Variants in NUP210L observed in about 807,000 individuals in gnomAD.
The protein encoded by NUP210L is nuclear pore membrane glycoprotein 210-like.
A neutral mutation model predicts 208.5 loss-of-function variants in NUP210L; 74 were observed. The ratio of observed to expected loss-of-function variants is 0.35; its 90% CI spans 0.29 to 0.43. NUP210L has a LOEUF of 0.43. Among genes scored for constraint, NUP210L ranks in the 20% least tolerant of loss-of-function variants. The pLI, the probability that NUP210L is intolerant of heterozygous loss-of-function variation, is 1.00. For synonymous variants in NUP210L, 780 were observed against 816.9 expected, an observed-to-expected ratio of 0.95 and a Z score of 0.77; for missense variants, 1,843 against 2,289.4, an observed-to-expected ratio of 0.81 and a Z score of 3.98.
At chr1:154,082,732 A>G (rs928991759) in intron 16 of NUP210L, among the ~76,000 whole-genome samples, 2 of 152,194 alleles carry the variant, frequency 1.3e-5, no homozygotes, top group Admixed American at 6.5e-5. Flanking sequence ...TTGTTCCTTC[A>G]GATGCGTCCA....
chr1:154,032,990 AAAGAAAGAAAG>A (rs1312655390), intron 27 of NUP210L, among the ~76,000 whole-genome samples: 3 of 148,724 alleles, frequency 2.0e-5, no homozygotes, highest in Non-Finnish European at 4.5e-5. Context: ...AAAGAAAAGA[AAAGAAAGAAAG>A]AAAAAAAGAA....
At chr1:154,047,185 T>C (rs1180645557) in intron 25 of NUP210L, among the ~76,000 whole-genome samples, 2 of 152,160 alleles carry the variant, frequency 1.3e-5, no homozygotes, top group African/African-American at 4.8e-5. Context: ...TAGTATTTGA[T>C]AGCACAGCAG....
exon 40 of NUP210L, chr1:153,992,827 A>G (rs777322327): frequency 6.3e-7 from 1 of 1,576,720 alleles, no homozygotes; most frequent in Admixed American, 1.8e-5. Flanking sequence ...AACTTGTCCA[A>G]GCAGAGGTTA....
exon 7 of NUP210L, chr1:154,135,927 T>C (rs1658519008): frequency 1.9e-6 from 3 of 1,606,156 alleles, no homozygotes; most frequent in African/African-American, 1.3e-5. Context: ...TGCAACTCTA[T>C]GGTCTTGCAA....
chr1:154,071,975 C>A lies in NUP210L; in HGVS notation c.2362-1510G>T, dbSNP rs566796078. Among the ~76,000 whole-genome samples the A allele has an allele frequency of 2.0e-5, 3 of 148,366 alleles. 1 individual carries two copies. The South Asian group carries it at 6.5e-4, about 32-fold the overall frequency. ...TATATGGCTGAGTAGTATTCCATCGCGTGTGTGTGTGTGTGTGTGTGTGTG... is the reference window on the plus strand; with the variant it reads ...TATATGGCTGAGTAGTATTCCATCGAGTGTGTGTGTGTGTGTGTGTGTGTG... On this transcript the variant is annotated intron_variant, in intron 16 of 39. Transcript: ENST00000368559.
chr1:154,054,034 A>C (rs1038496228), intron 25 of NUP210L, among the ~76,000 whole-genome samples, 194 bp downstream of exon 25: 7 of 152,206 alleles, frequency 4.6e-5, no homozygotes, highest in African/African-American at 1.7e-4. Flanking sequence ...ATATCTTATA[A>C]CAGTGCCAAG....
At chr1:154,100,946 G>A (rs959801922) in intron 13 of NUP210L, among the ~76,000 whole-genome samples, 1 of 152,026 alleles carries the variant, frequency 6.6e-6, no homozygotes, top group Non-Finnish European at 1.5e-5. Context: ...GCCGAGGCGG[G>A]TGGATCACCT....
exon 23 of NUP210L, chr1:154,056,826 G>A (rs760261503): frequency 6.3e-6 from 10 of 1,579,372 alleles, no homozygotes; most frequent in Admixed American, 4.0e-5. Flanking sequence ...TCAATGTGCC[G>A]AGGAGTTGAT....
At chr1:154,106,630 C>A (rs1450654198) in intron 12 of NUP210L, among the ~76,000 whole-genome samples, 1 of 152,168 alleles carries the variant, frequency 6.6e-6, no homozygotes, top group Non-Finnish European at 1.5e-5. Context: ...CTTGTGTAAC[C>A]CCACCCCCAG....
chr1:154,020,377 GAC>G (rs1359726079), intron 32 of NUP210L, among the ~76,000 whole-genome samples: 1 of 152,072 alleles, frequency 6.6e-6, no homozygotes, highest in East Asian at 1.9e-4. Flanking sequence ...TTTTTTTTGA[GAC>G]ACAGCCTGTC....
chr1:154,058,091 C>T (rs1474589598), exon 22 of NUP210L: 1 of 1,614,010 alleles, frequency 6.2e-7, no homozygotes, highest in Admixed American at 1.7e-5. Flanking sequence ...GTACTTACGT[C>T]AGGGTGACAA....
intron 13 of NUP210L, among the ~76,000 whole-genome samples, chr1:154,101,231 C>T (rs1249619694): frequency 6.7e-6 from 1 of 149,802 alleles, no homozygotes. Flanking sequence ...GTAATCCCAG[C>T]ACTTTGGGAG....
At chr1:154,142,226 TAACA>T (rs745500339) in intron 3 of NUP210L, among the ~76,000 whole-genome samples, 1 of 151,760 alleles carries the variant, frequency 6.6e-6, no homozygotes, top group African/African-American at 2.4e-5. Context: ...CTCATGTAAT[TAACA>T]AAGAAAGTGG....
chr1:154,115,554 A>G (rs1657277462), intron 12 of NUP210L, among the ~76,000 whole-genome samples: 1 of 152,190 alleles, frequency 6.6e-6, no homozygotes, highest in Non-Finnish European at 1.5e-5. Flanking sequence ...CCCATACACA[A>G]GGATTTCTCT....
At chr1:154,044,013 G>C (rs1381243567) in intron 27 of NUP210L, among the ~76,000 whole-genome samples, 2 of 152,148 alleles carry the variant, frequency 1.3e-5, no homozygotes, top group South Asian at 2.1e-4. Context: ...CTAGAGAAAA[G>C]AGTGATGCTT....
At chr1:154,123,891 AGAGAG>A (rs1244043830) in intron 10 of NUP210L, among the ~76,000 whole-genome samples, 2 of 149,930 alleles carry the variant, frequency 1.3e-5, no homozygotes, top group Admixed American at 1.3e-4. Flanking sequence ...AAAAAAAAAA[AGAGAG>A]AGAGAGGCTG....
chr1:154,008,402 G>A lies in NUP210L; in HGVS notation c.4930+1570C>T, dbSNP rs550908792. Among the ~76,000 whole-genome samples the A allele has an allele frequency of 1.2e-3, 183 of 151,874 alleles. 3 individuals carry two copies. Among genetic ancestry groups the A allele is most frequent in the Non-Finnish European group, 3.5e-4 (24 of 67,928 alleles). On this transcript the variant is annotated intron_variant, in intron 35 of 39. Transcript: ENST00000368559. ...TGTCCCTACACAAACAAACAAACAA[G>A]CAAACAAAATAAAGAAACAAAAATG...
At chr1:154,058,114 A>G (rs758562160) in exon 22 of NUP210L, 4 of 1,614,196 alleles carry the variant, frequency 2.5e-6, no homozygotes, top group South Asian at 1.1e-5. Flanking sequence ...GCAGAAGCCA[A>G]CTGCAGTTTG....
intron 5 of NUP210L, among the ~76,000 whole-genome samples, chr1:154,139,146 T>C (rs971007234): frequency 3.3e-5 from 5 of 152,114 alleles, no homozygotes; most frequent in Non-Finnish European, 5.9e-5. Flanking sequence ...CACACACCTG[T>C]AATCCCAGAT....
Sources: allele counts gnomAD v4.1 joint callset (sites outside exome capture counted in the v4.1 genomes callset), GRCh38; gene constraint gnomAD v4.1.1; transcripts MANE v1.5; gene names NCBI Gene and HGNC (gene_info 2026-07-23, HGNC 2026-07-21).